EYA1: variants seen among roughly 807,000 people sequenced by gnomAD.
EYA1 encodes EYA transcriptional coactivator and phosphatase 1, also known as protein phosphatase EYA1.
Under a neutral mutation model 82.0 loss-of-function variants are expected in EYA1, and 16 were observed. The ratio of observed to expected loss-of-function variants is 0.20; its 90% CI spans 0.13 to 0.30. The LOEUF (loss-of-function observed/expected upper bound fraction) is 0.30, where lower values mean the gene tolerates loss of function less well. Among genes scored for constraint, EYA1 ranks in the 10% least tolerant of loss-of-function variants. The probability of loss-of-function intolerance (pLI) is 1.00; values close to 1 mark genes in which losing one functional copy is unlikely to be tolerated. For missense variants in EYA1, 633 were observed against 730.7 expected, an observed-to-expected ratio of 0.87 and a Z score of 1.54; for synonymous variants, 261 against 264.4, an observed-to-expected ratio of 0.99 and a Z score of 0.12.
At chr8:71,330,317 T>C (rs779536923) in intron 4 of EYA1, among the ~76,000 whole-genome samples, 3 of 152,208 alleles carry the variant, frequency 2.0e-5, no homozygotes, top group African/African-American at 7.2e-5. Context: ...ATTCCTTTTC[T>C]AGCCTGATCC....
chr8:71,543,848 A>T (rs1400834532), intron 1 of EYA1, among the ~76,000 whole-genome samples: 2 of 152,188 alleles, frequency 1.3e-5, no homozygotes, highest in African/African-American at 4.8e-5. Flanking sequence ...TAATTTTTTT[A>T]GTATTTAATC....
upstream of EYA1, among the ~76,000 whole-genome samples, chr8:71,366,050 C>G (rs1260297619): frequency 6.6e-6 from 1 of 152,104 alleles, no homozygotes; most frequent in Non-Finnish European, 1.5e-5. Flanking sequence ...TATTTCCTGA[C>G]TTCCTAAAGA....
chr8:71,509,420 A>T (rs529412529), intron 2 of EYA1, among the ~76,000 whole-genome samples: 1 of 152,296 alleles, frequency 6.6e-6, no homozygotes, highest in Admixed American at 6.5e-5. Context: ...TTCACAGAAA[A>T]GTAAGTAGAC....
At chr8:71,234,303 C>A (rs1296630284) in intron 12 of EYA1, among the ~76,000 whole-genome samples, 5 of 152,142 alleles carry the variant, frequency 3.3e-5, no homozygotes, top group African/African-American at 7.2e-5. Context: ...TTCCATGATG[C>A]CTTCCACACA....
chr8:71,380,671 C>T (rs984268392), intron 2 of EYA1, among the ~76,000 whole-genome samples: 3 of 152,226 alleles, frequency 2.0e-5, no homozygotes, highest in Admixed American at 6.5e-5. Context: ...AATCTCATCC[C>T]TGTTAGTGTA....
At chr8:71,210,603 G>A (rs1259320809) in intron 17 of EYA1, among the ~76,000 whole-genome samples, 1 of 152,194 alleles carries the variant, frequency 6.6e-6, no homozygotes, top group Non-Finnish European at 1.5e-5. Context: ...ACAGCAATGG[G>A]CAAAGCGGGA....
intron 1 of EYA1, chr8:71,547,618 TCGCCGCCCTCCTGCCCC>T (rs1815754862): frequency 6.6e-6 from 1 of 151,738 alleles, no homozygotes; most frequent in Non-Finnish European, 1.5e-5. Flanking sequence ...CGGGCGCCGA[TCGCCGCCCTCCTGCCCC>T]GGGGTGGGGC....
intron 2 of EYA1, among the ~76,000 whole-genome samples, chr8:71,405,977 C>A (rs1204247330): frequency 6.6e-6 from 1 of 152,144 alleles, no homozygotes; most frequent in African/African-American, 2.4e-5. Flanking sequence ...AAACAGACAG[C>A]ATAGGGATAT....
intron 7 of EYA1, among the ~76,000 whole-genome samples, chr8:71,302,655 T>C (rs942957927): frequency 7.1e-6 from 1 of 141,400 alleles, no homozygotes; most frequent in Non-Finnish European, 1.6e-5. Flanking sequence ...GCAATATTAA[T>C]TTTTCACCAC....
rs1368068202 is a variant in EYA1, at chr8:71,198,761, C to T, written c.*579G>A. 6.2e-6 allele frequency: 1 copy of T among 161,202 alleles called. No individual in the cohort carries two copies. Among genetic ancestry groups the T allele is most frequent in the Non-Finnish European group, 1.4e-5 (1 of 72,794 alleles). 10.0% of individuals were successfully genotyped at this position (161,202 alleles called of 1,614,324 possible). A position where few individuals can be genotyped will look rare whatever the true frequency, so the allele number is the denominator to read the frequency against. On this transcript the variant is annotated 3_prime_UTR_variant, in exon 18 of 18. Coordinates refer to ENST00000340726, the MANE Select transcript of EYA1 (RefSeq NM_000503.6). ...GGCCTTTAATCACTTATTTCTAATG[C>T]TATTGTCTCTTCAATTATTTGATGT...
chr8:71,285,185 A>G (rs1021284489), intron 9 of EYA1, among the ~76,000 whole-genome samples: 1 of 152,244 alleles, frequency 6.6e-6, no homozygotes, highest in Non-Finnish European at 1.5e-5. Flanking sequence ...TTAGGGAACC[A>G]GGGGATGCAA....
intron 2 of EYA1, among the ~76,000 whole-genome samples, chr8:71,428,270 T>C (rs1184009460): frequency 6.6e-6 from 1 of 152,182 alleles, no homozygotes; most frequent in Non-Finnish European, 1.5e-5. Context: ...GTAAAAAGTA[T>C]TTAATGTAAC....
chr8:71,274,928 G>GAGCGAGAGCACCAGAGCA (rs57341151), intron 9 of EYA1, among the ~76,000 whole-genome samples: 1 of 151,772 alleles, frequency 6.6e-6, no homozygotes, highest in Non-Finnish European at 1.5e-5. Context: ...GAGAGAATGA[G>GAGCGAGAGCACCAGAGCA]AGCGAGTGAA....
chr8:71,339,939 C>T (rs1257556952), intron 3 of EYA1, among the ~76,000 whole-genome samples: 2 of 152,106 alleles, frequency 1.3e-5, no homozygotes, highest in African/African-American at 4.8e-5. Flanking sequence ...TTTTCTCTCA[C>T]AATCATTTCT....
At chr8:71,278,618 A>G (rs912288662) in intron 9 of EYA1, among the ~76,000 whole-genome samples, 3 of 152,212 alleles carry the variant, frequency 2.0e-5, no homozygotes, top group Non-Finnish European at 4.4e-5. Context: ...GATTTATACA[A>G]AATAGTTTTA....
At chr8:71,398,563 C>A (rs1269861687) in intron 2 of EYA1, among the ~76,000 whole-genome samples, 1 of 152,206 alleles carries the variant, frequency 6.6e-6, no homozygotes, top group Non-Finnish European at 1.5e-5. Context: ...GAGGTCCACT[C>A]CAGACCCTCT....
At chr8:71,473,843 A>G (rs1373015865) in intron 2 of EYA1, among the ~76,000 whole-genome samples, 1 of 152,216 alleles carries the variant, frequency 6.6e-6, no homozygotes, top group Non-Finnish European at 1.5e-5. Context: ...AATGTGGCAC[A>G]TATACACCAT....
intron 2 of EYA1, among the ~76,000 whole-genome samples, chr8:71,393,187 T>C (rs1342574334): frequency 2.0e-5 from 3 of 152,190 alleles, no homozygotes; most frequent in Non-Finnish European, 4.4e-5. Flanking sequence ...ACTTTGTTGA[T>C]ATAAAATTTA....
intron 3 of EYA1, among the ~76,000 whole-genome samples, chr8:71,348,959 A>G (rs1480495167): frequency 6.6e-6 from 1 of 152,236 alleles, no homozygotes; most frequent in Non-Finnish European, 1.5e-5. Flanking sequence ...CAAAACTGCA[A>G]CCAGTTTTTA....
Sources: gnomAD v4.1 joint callset for allele counts (sites outside exome capture counted in the v4.1 genomes callset) on GRCh38, gnomAD v4.1.1 for gene constraint, MANE v1.5 for transcripts, NCBI Gene and HGNC (gene_info 2026-07-23, HGNC 2026-07-21) for gene names.